Variants in SLC27A5 observed in about 807,000 individuals in gnomAD.
The protein encoded by SLC27A5 is solute carrier family 27 member 5.
In SLC27A5, 47 loss-of-function variants were observed where a neutral mutation model predicts 63.1. The ratio of observed to expected loss-of-function variants is 0.74; its 90% CI spans 0.59 to 0.95. The LOEUF (loss-of-function observed/expected upper bound fraction) is 0.95, where lower values mean the gene tolerates loss of function less well. Ranked by LOEUF, SLC27A5 falls within the 40% of genes least tolerant of loss-of-function variation. SLC27A5 has a pLI of 0.00. For synonymous variants in SLC27A5, 391 were observed against 403.8 expected, an observed-to-expected ratio of 0.97 and a Z score of 0.38; for missense variants, 940 against 921.0, an observed-to-expected ratio of 1.02 and a Z score of -0.27.
In SLC27A5 at chr19:58,498,367, C is replaced by T; in HGVS notation, c.*148G>A. On this transcript the variant is annotated 3_prime_UTR_variant, in exon 10 of 10. Coordinates refer to ENST00000263093, the MANE Select transcript of SLC27A5 (RefSeq NM_012254.3). ...CACATCTGAGTTTATTCTGCCACTG[C>T]TACAGGGCCCACTGTCATTTCCAGC... 1 of 757,248 alleles carries T rather than the reference C, an allele frequency of 1.3e-6. No individual in the cohort carries two copies. The highest frequency in any genetic ancestry group is 2.1e-6 in the Non-Finnish European group (1 of 478,746). 46.9% of individuals were successfully genotyped at this position (757,248 alleles called of 1,614,324 possible).
At chr19:58,511,112 A>T in intron 1 of SLC27A5, 156 bp downstream of exon 1, 1 of 951,478 alleles carries the variant, frequency 1.1e-6, no homozygotes, top group Non-Finnish European at 1.5e-6. Context: ...AACTCTGATG[A>T]CCTGAGAACT....
At chr19:58,510,635 G>C (rs1324724357) in intron 2 of SLC27A5, 86 bp downstream of exon 2, 4 of 1,195,974 alleles carry the variant, frequency 3.3e-6, no homozygotes, top group African/African-American at 1.6e-5. Context: ...TGGTTTCAGA[G>C]GTCAACACTG....
intron 3 of SLC27A5, chr19:58,507,846 C>A (rs2053364484): frequency 6.6e-6 from 1 of 152,118 alleles, no homozygotes. Context: ...TCCTGCAGTA[C>A]CCTCAGGCTT....
rs779691935 is a variant in SLC27A5, at chr19:58,511,969, C to A, written c.-14G>T. 2.6e-6 allele frequency: 4 copies of A among 1,524,726 alleles called. No individual in the cohort carries two copies. In the African/African-American group the frequency reaches 4.1e-5, roughly 16 times the overall value. 94.4% of individuals were successfully genotyped at this position (1,524,726 alleles called of 1,614,324 possible). A position where few individuals can be genotyped will look rare whatever the true frequency, so the allele number is the denominator to read the frequency against. Reference sequence around the variant, plus strand: ...CCTGACACCCATGGTACCAGCTCCTCCCTAGGAGCAGCAGCTGTGGAGTGT... The same window carrying A: ...CCTGACACCCATGGTACCAGCTCCTACCTAGGAGCAGCAGCTGTGGAGTGT... On this transcript the variant is annotated 5_prime_UTR_variant, in exon 1 of 10. Transcript: ENST00000263093.
At position 58,509,996 on chromosome 19, in the gene SLC27A5, T is replaced by C. The variant is rs147622712; in HGVS notation, c.908A>G (p.Lys303Arg). The C allele has an allele frequency of 1.9e-6, 3 of 1,613,396 alleles. No individual in the cohort carries two copies. In the African/African-American group the frequency reaches 4.0e-5, roughly 22 times the overall value. ...IYTSGTTGLP[K>R]PAILTHERVL... ...CCGCTCATGCGTGAGGATGGCTGGC[T>C]TCGGGAGGCCTTGGGATGAAGGCAT... Residue 303 changes from lysine (K) to arginine (R), a missense_variant, in exon 3 of 10, where the codon AAG becomes AGG. Lys to Arg is a conservative substitution (Grantham distance 26, BLOSUM62 2). Coordinates refer to ENST00000263093, the MANE Select transcript of SLC27A5 (RefSeq NM_012254.3).
At chr19:58,502,398 G>C (rs1292858376) in intron 3 of SLC27A5, among the ~76,000 whole-genome samples, 1 of 149,618 alleles carries the variant, frequency 6.7e-6, no homozygotes, top group Non-Finnish European at 1.5e-5. Flanking sequence ...TGGGTGGACA[G>C]AGTAGTGAGT....
At chr19:58,504,470 G>A (rs559866241) in intron 3 of SLC27A5, among the ~76,000 whole-genome samples, 8 of 150,022 alleles carry the variant, frequency 5.3e-5, no homozygotes, top group East Asian at 2.0e-4. Flanking sequence ...CCAACATGGC[G>A]AAACCCTGTC....
At chr19:58,509,529 C>T in intron 3 of SLC27A5, 1 of 265,938 alleles carries the variant, frequency 3.8e-6, no homozygotes, top group South Asian at 9.1e-5. Flanking sequence ...ACTCCTACTC[C>T]AGCTGCCCTT....
intron 7 of SLC27A5, 53 bp downstream of exon 7, chr19:58,499,439 G>C (rs952204657): frequency 7.4e-5 from 117 of 1,588,192 alleles, no homozygotes; most frequent in Non-Finnish European, 9.8e-5. Flanking sequence ...TCTAGGATCT[G>C]AAAGCGTCCG....
intron 2 of SLC27A5, chr19:58,510,342 G>A (rs2053395654): frequency 2.9e-6 from 1 of 347,734 alleles, no homozygotes; most frequent in Non-Finnish European, 5.2e-6. Context: ...GAGAGGCTGA[G>A]TTGGGCAGGT....
Position 58,503,523 on chromosome 19 carries a change from C to T in SLC27A5, c.1058-2113G>A, listed in dbSNP as rs143215227. Among the ~76,000 whole-genome samples, 8 of 151,762 alleles carry T rather than the reference C, an allele frequency of 5.3e-5. No individual in the cohort carries two copies. In the East Asian group the frequency reaches 1.2e-3, roughly 22 times the overall value. The stretch of plus-strand genomic sequence containing the variant: ...CCAAAAAATGCAAAAATTAGCCAGG[C>T]GTGGTGGCGCACACCTGTAGTCCCA... On this transcript the variant is annotated intron_variant, in intron 3 of 9. Transcript: ENST00000263093.
chr19:58,499,502 C>T lies in SLC27A5; in HGVS notation c.1657G>A (p.Asp553Asn), dbSNP rs1290028887. The change falls in exon 7 of 10, where the codon GAC (aspartate) becomes AAC (asparagine). Residue 553 changes from aspartate (D) to asparagine (N), a missense_variant. Transcript: ENST00000263093. Reference protein sequence around the residue: ...GFLYFRDRLGDTFRWKGENVS... With the variant: ...GFLYFRDRLGNTFRWKGENVS... ...AACCCTGCCTCGGACCGGAAGGTGT[C>T]CCCGAGGCGGTCGCGGAAGTAGAGG... 1 of 1,612,926 alleles carries T rather than the reference C, an allele frequency of 6.2e-7. No individual in the cohort carries two copies. Among genetic ancestry groups the T allele is most frequent in the Non-Finnish European group, 8.5e-7 (1 of 1,180,014 alleles).
intron 1 of SLC27A5, 32 bp downstream of exon 1, chr19:58,511,236 C>A (rs751411052): frequency 2.0e-6 from 3 of 1,511,712 alleles, no homozygotes; most frequent in South Asian, 1.3e-5. Context: ...CCCTTGCCCC[C>A]TTCCATTCTC....
rs747523376 is a variant in SLC27A5 at position 58,511,411 on chromosome 19, G to A, written c.545C>T (p.Ser182Phe). The part of the protein sequence containing the change: ...GEPTALLVLA[S>F]QAVPALCMWL... ...CATACACAGGGCTGGAACGGCCTGGGAAGCCAGCACAAGGAGGGCAGTAGG... is the reference window on the plus strand; with the variant it reads ...CATACACAGGGCTGGAACGGCCTGGAAAGCCAGCACAAGGAGGGCAGTAGG... The change falls in exon 1 of 10, where the codon TCC (serine) becomes TTC (phenylalanine). Residue 182 changes from serine (S) to phenylalanine (F), a missense_variant. Ser to Phe is a radical substitution (Grantham distance 155). Transcript: ENST00000263093. 15 of 1,607,306 alleles carry A rather than the reference G, an allele frequency of 9.3e-6. No homozygotes were observed. The highest frequency in any genetic ancestry group is 2.2e-5 in the South Asian group (2 of 90,348).
At chr19:58,500,105 G>A (rs758715897) in intron 6 of SLC27A5, among the ~76,000 whole-genome samples, 1 of 152,022 alleles carries the variant, frequency 6.6e-6, no homozygotes, top group African/African-American at 2.4e-5. Context: ...TGGACACCCA[G>A]AGACCCAGTA....
intron 6 of SLC27A5, 123 bp from the exon 7 acceptor site, chr19:58,499,813 G>T: frequency 1.2e-6 from 1 of 849,876 alleles, no homozygotes; most frequent in Non-Finnish European, 1.8e-6. Flanking sequence ...CAAAGACACA[G>T]ACAGGGAGAT....
intron 3 of SLC27A5, chr19:58,507,718 G>C (rs1441284233): frequency 3.3e-5 from 5 of 152,166 alleles, no homozygotes. Context: ...TCCTAGCAAG[G>C]AATATTAACA....
rs776926080 is a variant in SLC27A5 at position 58,511,326 on chromosome 19, C to T, written c.630G>A (p.Gly210=). The change falls in exon 1 of 10, where the codon GGG becomes GGA. Residue 210 remains glycine, a synonymous_variant. Transcript: ENST00000263093. ...TCAGCACAGAGTGCGCCAGGGGCATCCCCCGGCCATGCGGGTTGATCCAGG... is the reference window on the plus strand; with the variant it reads ...TCAGCACAGAGTGCGCCAGGGGCATTCCCCGGCCATGCGGGTTGATCCAGG... The part of the protein sequence containing the change: ...PTAWINPHGR[G]MPLAHSVLSS... The T allele has an allele frequency of 6.9e-6, 11 of 1,594,248 alleles. No homozygotes were observed. Among genetic ancestry groups the T allele is most frequent in the Non-Finnish European group, 8.6e-6 (10 of 1,166,318 alleles).
chr19:58,504,725 C>T (rs550616587), intron 3 of SLC27A5, among the ~76,000 whole-genome samples: 1 of 138,500 alleles, frequency 7.2e-6, no homozygotes, highest in East Asian at 2.5e-4. Flanking sequence ...TTAAACTGGC[C>T]CTGGGCGCGG....
Sources: gnomAD v4.1 joint callset for allele counts (sites outside exome capture counted in the v4.1 genomes callset) on GRCh38, gnomAD v4.1.1 for gene constraint, MANE v1.5 for transcripts, NCBI Gene and HGNC (gene_info 2026-07-23, HGNC 2026-07-21) for gene names.